Variants in INTS4 observed in about 807,000 individuals in gnomAD.
INTS4 encodes the protein MSTP093.
INTS4 carries 70 observed loss-of-function variants against 119.5 expected under a neutral mutation model. That is an observed-to-expected ratio of 0.59 (90% CI 0.48 to 0.71). INTS4 has a LOEUF of 0.71. INTS4 is among the 30% of genes least tolerant of loss of function. INTS4 has a pLI of 0.00. For missense variants in INTS4, 867 were observed against 1,173.2 expected (o/e 0.74, Z 3.81); for synonymous variants, 316 against 419.6 (o/e 0.75, Z 3.02).
intron 6 of INTS4, among the ~76,000 whole-genome samples, chr11:77,959,771 C>G (rs1218091349): frequency 6.6e-6 from 1 of 152,120 alleles, no homozygotes; most frequent in African/African-American, 2.4e-5. Flanking sequence ...CTAACAAAAC[C>G]TAATCTCTGA....
chr11:77,954,136 T>A (rs1954262235), intron 8 of INTS4, among the ~76,000 whole-genome samples: 1 of 152,160 alleles, frequency 6.6e-6, no homozygotes, highest in South Asian at 2.1e-4. Flanking sequence ...TGCTGAGTCC[T>A]CAAAAAGAAA....
chr11:77,903,749 T>C (rs1952852510), intron 16 of INTS4, 129 bp from the exon 17 acceptor site: 1 of 671,742 alleles, frequency 1.5e-6, no homozygotes, highest in South Asian at 1.9e-5. Flanking sequence ...TCTTATTCTT[T>C]TAACCCAATA....
intron 10 of INTS4, among the ~76,000 whole-genome samples, chr11:77,931,950 T>A (rs1953660726): frequency 6.6e-6 from 1 of 152,162 alleles, no homozygotes; most frequent in African/African-American, 2.4e-5. Context: ...CAAGATGGAT[T>A]AAAGACTTAA....
chr11:77,960,465 C>A, intron 5 of INTS4, 74 bp from the exon 6 acceptor site: 1 of 1,118,874 alleles, frequency 8.9e-7, no homozygotes. Flanking sequence ...CACAATCTCA[C>A]ATATTTTCCC....
At chr11:77,918,060 G>A (rs1177630759) in intron 15 of INTS4, 2 of 672,944 alleles carry the variant, frequency 3.0e-6, no homozygotes, top group African/African-American at 4.5e-5. Flanking sequence ...TTTCCCCACA[G>A]GATGGAATAC....
downstream of INTS4, chr11:77,876,878 C>A: frequency 1.5e-6 from 1 of 670,964 alleles, no homozygotes; most frequent in Non-Finnish European, 2.7e-6. Flanking sequence ...ATATTCTTCC[C>A]TTAGAAGGTT....
rs1297310465 is a variant in INTS4, at chr11:77,907,754, G to C, written c.1979C>G (p.Ser660Cys). ...QSELAGVADF[S>C]ATYLRCQLLL... ...TAGTTGACAGCGAAGATAGGTGGCA[G>C]AGAAATCAGCTACTCCTGCCAATTC... is the stretch of plus-strand genomic sequence containing the variant. Residue 660 changes from serine (S) to cysteine (C), a missense_variant, in exon 16 of 23, where the codon TCT becomes TGT. Around this residue, in one of 5 missense-constraint regions of INTS4, gnomAD observed 262 missense variants for 376.0 expected, o/e 0.70. Transcript: ENST00000534064. 6 of 1,613,938 alleles carry C rather than the reference G, an allele frequency of 3.7e-6. No individual in the cohort carries two copies. In the Admixed American group the frequency reaches 1.0e-4, roughly 27 times the overall value.
chr11:77,889,246 T>C (rs932188020), intron 21 of INTS4, among the ~76,000 whole-genome samples: 1 of 151,936 alleles, frequency 6.6e-6, no homozygotes, highest in Non-Finnish European at 1.5e-5. Context: ...TATGCAGCCA[T>C]AAAAAATGAT....
At chr11:77,884,019 A>G (rs1951893231) in intron 21 of INTS4, 67 bp from the exon 22 acceptor site, 1 of 1,524,366 alleles carries the variant, frequency 6.6e-7, no homozygotes, top group Non-Finnish European at 9.0e-7. Flanking sequence ...GGATGATGAC[A>G]TCTGTTGTGA....
At chr11:77,971,333 A>C (rs1249383668) in intron 4 of INTS4, among the ~76,000 whole-genome samples, 4 of 151,956 alleles carry the variant, frequency 2.6e-5, no homozygotes, top group Non-Finnish European at 5.9e-5. Flanking sequence ...ATTGGGTTGT[A>C]AGAGTTCCTT....
intron 8 of INTS4, among the ~76,000 whole-genome samples, chr11:77,955,307 T>C (rs1387744342): frequency 1.3e-5 from 2 of 152,146 alleles, no homozygotes; most frequent in African/African-American, 4.8e-5. Context: ...ATTGCACTCC[T>C]GCCTGAGCAA....
At chr11:77,912,869 G>A (rs1333481803) in intron 15 of INTS4, among the ~76,000 whole-genome samples, 2 of 152,168 alleles carry the variant, frequency 1.3e-5, no homozygotes, top group Non-Finnish European at 2.9e-5. Flanking sequence ...GCAAAAAGAG[G>A]ATTTTAAATA....
At chr11:77,960,779 A>G (rs756899535) in intron 5 of INTS4, among the ~76,000 whole-genome samples, 174 bp downstream of exon 5, 2 of 152,228 alleles carry the variant, frequency 1.3e-5, no homozygotes, top group Non-Finnish European at 2.9e-5. Context: ...GAGAAAGCCA[A>G]AAAAGCACAC....
intron 22 of INTS4, among the ~76,000 whole-genome samples, chr11:77,881,374 C>T (rs575606513): frequency 2.0e-5 from 3 of 152,192 alleles, no homozygotes; most frequent in Non-Finnish European, 2.9e-5. Context: ...TGAAGGAGCT[C>T]CCTAGAAACT....
downstream of INTS4, among the ~76,000 whole-genome samples, chr11:77,878,142 C>G (rs938624441): frequency 2.0e-5 from 3 of 152,084 alleles, no homozygotes; most frequent in South Asian, 2.1e-4. Context: ...GTGGGCAGAT[C>G]ACGAGGTCAG....
intron 3 of INTS4, among the ~76,000 whole-genome samples, chr11:77,979,493 A>C (rs934917689): frequency 9.2e-5 from 14 of 151,742 alleles, no homozygotes; most frequent in Non-Finnish European, 1.6e-4. Flanking sequence ...AGAAAAAAAA[A>C]CAGACTTTTG....
chr11:77,907,414 C>G (rs980054573), intron 16 of INTS4, among the ~76,000 whole-genome samples: 1 of 152,190 alleles, frequency 6.6e-6, no homozygotes, highest in Non-Finnish European at 1.5e-5. Flanking sequence ...AAACTTCATA[C>G]AATTCCTTTG....
chr11:77,891,561 T>C (rs1406101945), intron 20 of INTS4, 99 bp from the exon 21 acceptor site: 2 of 1,554,880 alleles, frequency 1.3e-6, no homozygotes, highest in African/African-American at 2.7e-5. Flanking sequence ...AGTGGGCATG[T>C]GGGAGCCACT....
At chr11:77,963,107 C>G (rs1467675005) in intron 4 of INTS4, among the ~76,000 whole-genome samples, 1 of 151,906 alleles carries the variant, frequency 6.6e-6, no homozygotes, top group Admixed American at 6.6e-5. Flanking sequence ...TTGATTGCAC[C>G]TCTGTTACAA....
Sources: gnomAD v4.1 joint callset for allele counts (sites outside exome capture counted in the v4.1 genomes callset) on GRCh38, gnomAD v4.1.1 for gene constraint, gnomAD v4.1.1 regional missense constraint, MANE v1.5 for transcripts, NCBI Gene and HGNC (gene_info 2026-07-23, HGNC 2026-07-21) for gene names.